SLC16A5: variants seen among roughly 807,000 people sequenced by gnomAD.
SLC16A5 encodes solute carrier family 16 member 5, also known as monocarboxylate transporter 6.
Under a neutral mutation model 33.2 loss-of-function variants are expected in SLC16A5, and 29 were observed. The ratio of observed to expected loss-of-function variants is 0.87; its 90% CI spans 0.65 to 1.19. The LOEUF is 1.19. Ranked by LOEUF, SLC16A5 falls within the 50% of genes most tolerant of loss-of-function variation. The pLI is 0.00. For missense variants in SLC16A5, 606 were observed against 678.2 expected, an observed-to-expected ratio of 0.89 and a Z score of 1.18; for synonymous variants, 248 against 284.1, an observed-to-expected ratio of 0.87 and a Z score of 1.28.
chr17:75,109,530 C>G (rs1309388993), downstream of SLC16A5, among the ~76,000 whole-genome samples: 1 of 152,218 alleles, frequency 6.6e-6, no homozygotes, highest in Non-Finnish European at 1.5e-5. This position sits in a 1 kb window ranked among gnomAD's most constrained non-coding sequence, Gnocchi z 5.0. Flanking sequence ...CTGCCAGACT[C>G]TGCTGCGCTC....
rs761950014 is a variant in SLC16A5, at chr17:75,100,188, C to G, written c.525C>G (p.Phe175Leu). 21 of 1,614,112 alleles carry G rather than the reference C, an allele frequency of 1.3e-5. No homozygotes were observed. The highest frequency in any genetic ancestry group is 1.8e-5 in the Non-Finnish European group (21 of 1,180,048). The change falls in exon 5 of 7, where the codon TTC (phenylalanine) becomes TTG (leucine). Residue 175 changes from phenylalanine (F) to leucine (L), a missense_variant. Physicochemically the swap from Phe to Leu is conservative, Grantham distance 22 (BLOSUM62 0). Coordinates refer to ENST00000329783, the MANE Select transcript of SLC16A5 (RefSeq NM_004695.4). ...NLGWRGTFLV[F>L]GGIFLHCCIC... is the part of the protein sequence containing the mutation. Reference sequence around the variant, plus strand: ...GCTGGAGGGGTACCTTCCTTGTCTTCGGCGGGATCTTTCTCCACTGCTGCA... The same window carrying G: ...GCTGGAGGGGTACCTTCCTTGTCTTGGGCGGGATCTTTCTCCACTGCTGCA...
At position 75,103,992 on chromosome 17, in the gene SLC16A5, C is replaced by G; in HGVS notation, c.1176C>G (p.Asn392Lys). ...CAGGGTTGCTCCTGGACGCCACCAA[C>G]AACTTTAGCTATGTTTTCTACATGT... ...PLAGLLLDATNNFSYVFYMSS... is the reference protein window; with the variant it reads ...PLAGLLLDATKNFSYVFYMSS... The change falls in exon 6 of 7, where the codon AAC (asparagine) becomes AAG (lysine). Residue 392 changes from asparagine (N) to lysine (K), a missense_variant. Transcript: ENST00000329783. 6.2e-7 allele frequency: 1 copy of G among 1,614,156 alleles called. No individual in the cohort carries two copies. The highest frequency in any genetic ancestry group is 8.5e-7 in the Non-Finnish European group (1 of 1,180,006).
At chr17:75,109,591 T>C (rs2073890420), downstream of SLC16A5, among the ~76,000 whole-genome samples, 1 of 152,198 alleles carries the variant, frequency 6.6e-6, no homozygotes, top group Non-Finnish European at 1.5e-5. The surrounding 1 kb of genome is among the most constrained non-coding windows in gnomAD (Gnocchi z 5.0). Context: ...TGTCTCATTT[T>C]CGGCTTCTGG....
chr17:75,093,423 G>A (rs542390234), intron 2 of SLC16A5, 166 bp from the exon 3 acceptor site: 1 of 1,535,852 alleles, frequency 6.5e-7, no homozygotes, highest in Non-Finnish European at 8.7e-7. Flanking sequence ...AGATGCCAAG[G>A]CCAACGCGTG....
At chr17:75,099,948 T>C (rs2145049043) in intron 4 of SLC16A5, 59 bp from the exon 5 acceptor site, 1 of 1,505,934 alleles carries the variant, frequency 6.6e-7, no homozygotes, top group Non-Finnish European at 8.9e-7. Flanking sequence ...ACCCCACCCC[T>C]GGGTGCAGGT....
intron 4 of SLC16A5, among the ~76,000 whole-genome samples, chr17:75,098,387 AC>A (rs781612306): frequency 2.6e-5 from 4 of 151,890 alleles, no homozygotes; most frequent in African/African-American, 4.8e-5. Flanking sequence ...ACATGGTGAA[AC>A]CCTGTCTATA....
intron 5 of SLC16A5, among the ~76,000 whole-genome samples, chr17:75,101,121 C>T (rs1257179349): frequency 1.3e-5 from 2 of 151,456 alleles, no homozygotes; most frequent in African/African-American, 4.9e-5. Flanking sequence ...TTGTGATGGG[C>T]GCCTGTAGTC....
chr17:75,097,794 A>G (rs1334284204), intron 3 of SLC16A5, among the ~76,000 whole-genome samples: 1 of 152,170 alleles, frequency 6.6e-6, no homozygotes, highest in Non-Finnish European at 1.5e-5. Context: ...AATCCTCATC[A>G]GGGTCAAACA....
intron 1 of SLC16A5, among the ~76,000 whole-genome samples, chr17:75,088,750 C>T (rs545459076): frequency 2.0e-5 from 3 of 152,274 alleles, no homozygotes; most frequent in African/African-American, 7.2e-5. Context: ...GAGGCCCCCT[C>T]GACTCTGGAC....
chr17:75,107,892 G>A (rs372830408), downstream of SLC16A5, among the ~76,000 whole-genome samples: 4 of 151,704 alleles, frequency 2.6e-5, no homozygotes, highest in Admixed American at 6.6e-5. Flanking sequence ...AGCTGAGATC[G>A]CACCACTGCA....
At chr17:75,108,941 G>T (rs1249339548), downstream of SLC16A5, among the ~76,000 whole-genome samples, 1 of 152,092 alleles carries the variant, frequency 6.6e-6, no homozygotes, top group Non-Finnish European at 1.5e-5. Flanking sequence ...GGTTTCTTGG[G>T]CTGTGTCCGG....
chr17:75,105,689 G>A (rs913589798), intron 6 of SLC16A5, 191 bp from the exon 7 acceptor site: 1 of 985,434 alleles, frequency 1.0e-6, no homozygotes, highest in Non-Finnish European at 1.2e-6. Context: ...ACACAAAAAT[G>A]TTCCCTGCAG....
At chr17:75,105,731 G>A (rs1311241442) in intron 6 of SLC16A5, 149 bp from the exon 7 acceptor site, 6 of 1,394,288 alleles carry the variant, frequency 4.3e-6, no homozygotes, top group Non-Finnish European at 5.6e-6. Context: ...TAATGAAGCT[G>A]ACAAACAGAG....
chr17:75,095,734 G>A (rs988152580), intron 3 of SLC16A5, among the ~76,000 whole-genome samples: 25 of 151,520 alleles, frequency 1.6e-4, no homozygotes, highest in African/African-American at 1.9e-4. Flanking sequence ...ATCTCAGCTC[G>A]CTGTAACCTC....
At chr17:75,092,686 CTG>C in intron 2 of SLC16A5, among the ~76,000 whole-genome samples, 1 of 151,622 alleles carries the variant, frequency 6.6e-6, no homozygotes, top group East Asian at 1.9e-4. Flanking sequence ...CAGTGGATCT[CTG>C]TGTGTGTGAC....
chr17:75,103,488 C>T (rs1327528421), intron 5 of SLC16A5, among the ~76,000 whole-genome samples: 2 of 151,658 alleles, frequency 1.3e-5, no homozygotes, highest in African/African-American at 2.4e-5. Context: ...TGCCCCCACA[C>T]CTGTCTAATT....
intron 2 of SLC16A5, among the ~76,000 whole-genome samples, chr17:75,093,080 A>G (rs1445310227): frequency 6.6e-6 from 1 of 152,018 alleles, no homozygotes; most frequent in Non-Finnish European, 1.5e-5. Context: ...TCAGGCCTTC[A>G]CAACAGCACC....
chr17:75,104,676 C>G, intron 6 of SLC16A5: 1 of 776,644 alleles, frequency 1.3e-6, no homozygotes, highest in Non-Finnish European at 1.6e-6. Flanking sequence ...TCTCCAACTT[C>G]CGACCTCAGG....
At chr17:75,107,506 T>C (rs1273307152), downstream of SLC16A5, among the ~76,000 whole-genome samples, 1 of 151,988 alleles carries the variant, frequency 6.6e-6, no homozygotes, top group Non-Finnish European at 1.5e-5. Context: ...CCTGAGGCCT[T>C]AAGAAGGGAG....
Sources: allele counts gnomAD v4.1 joint callset (sites outside exome capture counted in the v4.1 genomes callset), GRCh38; gene constraint gnomAD v4.1.1; non-coding constraint Gnocchi (gnomAD v3.1); transcripts MANE v1.5; gene names NCBI Gene and HGNC (gene_info 2026-07-23, HGNC 2026-07-21).